The following CTNNA1 variants were observed in gnomAD, a reference collection of about 807,000 sequenced individuals.
The protein encoded by CTNNA1 is catenin alpha 1.
A neutral mutation model predicts 98.4 loss-of-function variants in CTNNA1; 37 were observed. That is an observed-to-expected ratio of 0.38 (90% CI 0.29 to 0.49). The LOEUF is 0.49. Ranked by LOEUF, CTNNA1 falls within the 20% of genes least tolerant of loss-of-function variation. The pLI, the probability that CTNNA1 is intolerant of heterozygous loss-of-function variation, is 0.95. For synonymous variants in CTNNA1, 404 were observed against 413.2 expected, an observed-to-expected ratio of 0.98 and a Z score of 0.27; for missense variants, 761 against 1,147.2, an observed-to-expected ratio of 0.66 and a Z score of 4.86.
rs1017656819 is a variant in CTNNA1 at position 138,908,369 on chromosome 5, T to C, written c.1389+3928T>C. Among the ~76,000 whole-genome samples, 6 of 152,092 alleles carry C rather than the reference T, an allele frequency of 3.9e-5. 1 individual carries two copies. The highest frequency in any genetic ancestry group is 1.2e-4 in the African/African-American group (5 of 41,414). ...GTTAAACAACTTTAACTGGAAACATTTGAGATAGTAAAGTTGAGTTCAGGC... is the reference window on the plus strand; with the variant it reads ...GTTAAACAACTTTAACTGGAAACATCTGAGATAGTAAAGTTGAGTTCAGGC... On this transcript the variant is annotated intron_variant, in intron 10 of 17. Coordinates refer to ENST00000302763, the MANE Select transcript of CTNNA1 (RefSeq NM_001903.5).
At chr5:138,852,252 A>G (rs1052995319) in intron 7 of CTNNA1, among the ~76,000 whole-genome samples, 3 of 152,172 alleles carry the variant, frequency 2.0e-5, no homozygotes, top group African/African-American at 7.2e-5. Flanking sequence ...AGTGTAACCC[A>G]TGAAGATGAG....
chr5:138,756,878 T>C (rs955043914), intron 1 of CTNNA1, among the ~76,000 whole-genome samples: 9 of 152,196 alleles, frequency 5.9e-5, no homozygotes, highest in African/African-American at 1.9e-4. Flanking sequence ...AAGGGAGCTG[T>C]ATTTTGGAGA....
In CTNNA1 at chr5:138,810,925, C is replaced by A. The variant is rs1370439140; in HGVS notation, c.468+721C>A. Among the ~76,000 whole-genome samples the A allele has an allele frequency of 3.6e-5, 5 of 140,304 alleles. No individual in the cohort carries two copies. The East Asian group carries it at 1.0e-3, about 28-fold the overall frequency. 92.0% of individuals were successfully genotyped at this position (140,304 alleles called of 152,430 possible). On this transcript the variant is annotated intron_variant, in intron 4 of 17. Coordinates refer to ENST00000302763, the MANE Select transcript of CTNNA1 (RefSeq NM_001903.5). ...GCGGCTGGCCGGGCAGGGGGCTGAC[C>A]CCCCCACCTCCCTCCCGGACGGGGC...
chr5:138,795,549 G>A (rs185533678), intron 3 of CTNNA1, among the ~76,000 whole-genome samples: 1 of 152,134 alleles, frequency 6.6e-6, no homozygotes, highest in African/African-American at 2.4e-5. Flanking sequence ...TATAAAGTAG[G>A]TTTATCAGTA....
At position 138,919,987 on chromosome 5, in the gene CTNNA1, T is replaced by C. The variant is rs2150248993; in HGVS notation, c.1546+2089T>C. Among the ~76,000 whole-genome samples the C allele has an allele frequency of 2.7e-5, 4 of 145,764 alleles. No homozygotes were observed. In the Middle Eastern group the frequency reaches 0.014, roughly 499 times the overall value. On this transcript the variant is annotated intron_variant, in intron 11 of 17. Transcript: ENST00000302763. The stretch of plus-strand genomic sequence containing the variant: ...TGGCAATTTTTTTTTTTTTTTTTTT[T>C]TTTTTTGAGACGGAGCTTTGCTCTT...
At position 138,811,905 on chromosome 5, in the gene CTNNA1, C is replaced by G. The variant is rs946319748; in HGVS notation, c.469-278C>G. The G allele has an allele frequency of 3.4e-5, 10 of 296,606 alleles. No homozygotes were observed. In the Admixed American group the frequency reaches 4.3e-4, roughly 13 times the overall value. 18.4% of individuals were successfully genotyped at this position (296,606 alleles called of 1,614,324 possible). A position where few individuals can be genotyped will look rare whatever the true frequency, so the allele number is the denominator to read the frequency against. ...CTTCAGCTCGGCATCAGAGGGAGAC[C>G]GTGGAAAGAGAGGGAGAGGGAGACC... is the stretch of plus-strand genomic sequence containing the variant. On this transcript the variant is annotated intron_variant, in intron 4 of 17. Transcript: ENST00000302763.
intron 3 of CTNNA1, chr5:138,791,172 G>A (rs141095623): frequency 8.9e-4 from 135 of 152,014 alleles, no homozygotes; most frequent in African/African-American, 3.2e-3. Flanking sequence ...TCTTTGAAAC[G>A]TTTCTTTTTA....
intron 1 of CTNNA1, among the ~76,000 whole-genome samples, chr5:138,778,037 G>A (rs1315611141): frequency 1.5e-5 from 2 of 130,094 alleles, no homozygotes; most frequent in Non-Finnish European, 3.1e-5. Flanking sequence ...CTGTGGCCCA[G>A]GCAGGAGTGC....
chr5:138,878,934 G>C (rs909461675), intron 7 of CTNNA1, among the ~76,000 whole-genome samples: 2 of 151,978 alleles, frequency 1.3e-5, no homozygotes, highest in African/African-American at 2.4e-5. Context: ...ATGATAGCTG[G>C]CCAGGCACAG....
chr5:138,823,207 A>T (rs970091911), intron 5 of CTNNA1, among the ~76,000 whole-genome samples: 1 of 152,136 alleles, frequency 6.6e-6, no homozygotes, highest in Non-Finnish European at 1.5e-5. Context: ...TGAGTGAAAG[A>T]GGGATACCAG....
intron 1 of CTNNA1, among the ~76,000 whole-genome samples, chr5:138,774,271 C>T (rs375284540): frequency 9.2e-5 from 14 of 152,190 alleles, no homozygotes; most frequent in African/African-American, 2.9e-4. Flanking sequence ...GTGATTTTCC[C>T]ATCGTGGCCT....
chr5:138,934,175 C>T lies in CTNNA1; in HGVS notation c.*86C>T, dbSNP rs1199509752. The T allele has an allele frequency of 5.1e-6, 5 of 977,396 alleles. No individual in the cohort carries two copies. In the African/African-American group the frequency reaches 8.1e-5, roughly 16 times the overall value. 60.5% of individuals were successfully genotyped at this position (977,396 alleles called of 1,614,324 possible). On this transcript the variant is annotated 3_prime_UTR_variant, in exon 18 of 18. Coordinates refer to ENST00000302763, the MANE Select transcript of CTNNA1 (RefSeq NM_001903.5). ...ACTCAAATGAATTTGCTAAATACAACACTGATACTAGATTCCACAGGGAAA... is the reference window on the plus strand; with the variant it reads ...ACTCAAATGAATTTGCTAAATACAATACTGATACTAGATTCCACAGGGAAA...
At chr5:138,754,230 G>GT (rs1403580831) in intron 1 of CTNNA1, 1 of 98,686 alleles carries the variant, frequency 1.0e-5, no homozygotes, top group Non-Finnish European at 2.3e-5. Context: ...GCATTAGAGA[G>GT]GTTTTTTTTT....
intron 3 of CTNNA1, among the ~76,000 whole-genome samples, chr5:138,798,257 A>T (rs1757176892): frequency 6.6e-6 from 1 of 152,234 alleles, no homozygotes; most frequent in Non-Finnish European, 1.5e-5. Flanking sequence ...TGAGTAAGGT[A>T]TGGGAGATGT....
intron 7 of CTNNA1, among the ~76,000 whole-genome samples, chr5:138,841,888 C>T (rs748780901): frequency 2.0e-5 from 3 of 152,100 alleles, no homozygotes; most frequent in Non-Finnish European, 2.9e-5. Context: ...AAGGGCTAAC[C>T]GTCCTTTAAA....
intron 7 of CTNNA1, among the ~76,000 whole-genome samples, chr5:138,839,304 A>G (rs950056636): frequency 6.6e-6 from 1 of 151,246 alleles, no homozygotes; most frequent in Non-Finnish European, 1.5e-5. Flanking sequence ...GGCTCAAGTG[A>G]TTTCTCCTGC....
intron 7 of CTNNA1, among the ~76,000 whole-genome samples, chr5:138,879,363 C>T (rs1371190408): frequency 6.6e-6 from 1 of 152,030 alleles, no homozygotes; most frequent in Non-Finnish European, 1.5e-5. Context: ...AGAAGGGAAT[C>T]TTTCAATAGT....
chr5:138,866,275 T>TTTATTTATTTATTTATTTAC (rs1198088189), intron 7 of CTNNA1, among the ~76,000 whole-genome samples: 2 of 56,630 alleles, frequency 3.5e-5, no homozygotes, highest in African/African-American at 1.2e-4. Flanking sequence ...TTGTAACTCA[T>TTTATTTATTTATTTATTTAC]TTATTTATTT....
chr5:138,926,081 C>T (rs1763963152), intron 13 of CTNNA1, among the ~76,000 whole-genome samples: 1 of 152,206 alleles, frequency 6.6e-6, no homozygotes, highest in South Asian at 2.1e-4. Flanking sequence ...ACCTCAACCT[C>T]ACGGCCATAG....
Sources: allele counts gnomAD v4.1 joint callset (sites outside exome capture counted in the v4.1 genomes callset), GRCh38; gene constraint gnomAD v4.1.1; transcripts MANE v1.5; gene names NCBI Gene and HGNC (gene_info 2026-07-23, HGNC 2026-07-21).